KLHL5: variants seen among roughly 807,000 people sequenced by gnomAD.
KLHL5 encodes kelch-like protein 5.
KLHL5 carries 48 observed loss-of-function variants against 77.7 expected under a neutral mutation model. That is an observed-to-expected ratio of 0.62 (90% confidence interval 0.49 to 0.79). The LOEUF is 0.79. Ranked by LOEUF, KLHL5 falls within the 30% of genes least tolerant of loss-of-function variation. KLHL5 has a pLI of 0.00. For missense variants in KLHL5, 723 were observed against 859.7 expected, an observed-to-expected ratio of 0.84 and a Z score of 1.99; for synonymous variants, 260 against 297.0, an observed-to-expected ratio of 0.88 and a Z score of 1.28.
At position 39,084,314 on chromosome 4, in the gene KLHL5, C is replaced by G. The variant is rs573249455; in HGVS notation, c.900+2155C>G. On this transcript the variant is annotated intron_variant, in intron 4 of 10. Coordinates refer to ENST00000504108, the MANE Select transcript of KLHL5 (RefSeq NM_015990.5). Reference sequence around the variant, plus strand: ...ATCCATGAATCTGGAAACCTGTTTTCTCATTCTGCCTGCCACTGAACATGA... The same window carrying G: ...ATCCATGAATCTGGAAACCTGTTTTGTCATTCTGCCTGCCACTGAACATGA... Among the ~76,000 whole-genome samples the G allele has an allele frequency of 6.2e-4, 94 of 152,266 alleles. 1 individual carries two copies. In the South Asian group the frequency reaches 0.019, roughly 31 times the overall value.
Position 39,086,672 on chromosome 4 carries a change from G to C in KLHL5, c.1058G>C (p.Arg353Pro). The C allele has an allele frequency of 6.2e-7, 1 of 1,613,866 alleles. No individual in the cohort carries two copies. Residue 353 changes from arginine (R) to proline (P), a missense_variant, in exon 5 of 11, where the codon CGG becomes CCG. By Grantham distance (103) the Arg-to-Pro change is moderately radical. Transcript: ENST00000504108. Reference sequence around the variant, plus strand: ...GTCCGTCATGATTTGGAACAGAGACGGAAAGATCTAAGTAAACTTTTGGCT... The same window carrying C: ...GTCCGTCATGATTTGGAACAGAGACCGAAAGATCTAAGTAAACTTTTGGCT... ...TWVRHDLEQR[R>P]KDLSKLLAYI...
At position 39,122,424 on chromosome 4, in the gene KLHL5, T is replaced by C. The variant is rs1723258638; in HGVS notation, c.*1358T>C. 6.6e-6 allele frequency among the ~76,000 whole-genome samples: 1 copy of C among 152,158 alleles called. No individual in the cohort carries two copies. The highest frequency in any genetic ancestry group is 1.5e-5 in the Non-Finnish European group (1 of 68,026). ...AGAAGTTAGCCCCAAGGTTATATAT[T>C]GCAAGTAAGTGGCAGAGCAGGGATT... On this transcript the variant is annotated 3_prime_UTR_variant, in exon 11 of 11. Coordinates refer to ENST00000504108, the MANE Select transcript of KLHL5 (RefSeq NM_015990.5).
At chr4:39,103,213 G>T in intron 6 of KLHL5, 74 bp from the exon 7 acceptor site, 3 of 1,012,174 alleles carry the variant, frequency 3.0e-6, no homozygotes, top group Admixed American at 5.1e-5. Context: ...TTATATTTTT[G>T]TATCTGTAAT....
intron 1 of KLHL5, among the ~76,000 whole-genome samples, chr4:39,045,269 CG>C (rs1716083097): frequency 6.7e-6 from 1 of 150,230 alleles, no homozygotes; most frequent in Admixed American, 6.6e-5. Flanking sequence ...GGGGCTGGGC[CG>C]GGCGGGGGCC....
Position 39,062,817 on chromosome 4 carries a change from T to C in KLHL5, c.165T>C (p.Asp55=). The C allele has an allele frequency of 6.2e-7, 1 of 1,614,096 alleles. No homozygotes were observed. Among genetic ancestry groups the C allele is most frequent in the Admixed American group, 1.7e-5 (1 of 59,998 alleles). ...CAAACGGTGGGAGAAAGTTTTTAGA[T>C]CCATGTAGCCTACAATTGCCTTTGG... is the stretch of plus-strand genomic sequence containing the variant. ...TGANGGRKFL[D]PCSLQLPLAS... The change falls in exon 1 of 11, where the codon GAT becomes GAC. Residue 55 remains aspartate (D), a synonymous_variant. Transcript: ENST00000504108.
chr4:39,107,660 T>C lies in KLHL5; in HGVS notation c.1617T>C (p.Ala539=), dbSNP rs746263487. The C allele has an allele frequency of 2.5e-6, 4 of 1,612,862 alleles. No homozygotes were observed. The highest frequency in any genetic ancestry group is 3.4e-6 in the Non-Finnish European group (4 of 1,179,086). ...LNTVERWDPQ[A]RQWNFVATMS... is the part of the protein sequence containing the mutation. ...CAGTGGAAAGATGGGACCCTCAGGC[T>C]CGCCAGTGGAATTTTGTTGCCACTA... The change falls in exon 8 of 11, where the codon GCT becomes GCC. Residue 539 remains alanine, a synonymous_variant. Coordinates refer to ENST00000504108, the MANE Select transcript of KLHL5 (RefSeq NM_015990.5).
chr4:39,127,667 G>T (rs1191851156), downstream of KLHL5, among the ~76,000 whole-genome samples: 1 of 151,906 alleles, frequency 6.6e-6, no homozygotes, highest in African/African-American at 2.4e-5. Context: ...ATCTCACGTT[G>T]TTACCCAGGC....
At chr4:39,079,136 C>G (rs1332485974) in intron 2 of KLHL5, among the ~76,000 whole-genome samples, 1 of 152,184 alleles carries the variant, frequency 6.6e-6, no homozygotes, top group Non-Finnish European at 1.5e-5. Flanking sequence ...CATTACCTTA[C>G]CTGCCATGCT....
the KLHL5 span, among the ~76,000 whole-genome samples, chr4:39,136,285 G>A: frequency 2.0e-5 from 3 of 151,670 alleles, no homozygotes; most frequent in Non-Finnish European, 2.9e-5. Context: ...TCAGCCTCCC[G>A]AGTAGCTGGG....
At chr4:39,059,835 C>G, upstream of KLHL5, among the ~76,000 whole-genome samples, 1 of 152,032 alleles carries the variant, frequency 6.6e-6, no homozygotes. Flanking sequence ...GGAGATGGAG[C>G]CTGTAGTGAG....
At chr4:39,083,310 A>G (rs549768374) in intron 4 of KLHL5, among the ~76,000 whole-genome samples, 2 of 152,184 alleles carry the variant, frequency 1.3e-5, no homozygotes, top group Non-Finnish European at 2.9e-5. Context: ...CATGTCATAT[A>G]TCCAGTCAGT....
At position 39,062,849 on chromosome 4, in the gene KLHL5, T is replaced by C. The variant is rs1717556138; in HGVS notation, c.197T>C (p.Ile66Thr). ...AGCCTACAATTGCCTTTGGCTTCAATTGGTTACCGAAGGTCCAGCCAACTG... is the reference window on the plus strand; with the variant it reads ...AGCCTACAATTGCCTTTGGCTTCAACTGGTTACCGAAGGTCCAGCCAACTG... ...PCSLQLPLAS[I>T]GYRRSSQLDF... Residue 66 changes from isoleucine to threonine, a missense_variant, in exon 1 of 11, where the codon ATT becomes ACT. Coordinates refer to ENST00000504108, the MANE Select transcript of KLHL5 (RefSeq NM_015990.5). 2.5e-6 allele frequency: 4 copies of C among 1,614,148 alleles called. No individual in the cohort carries two copies. Among genetic ancestry groups the C allele is most frequent in the South Asian group, 1.1e-5 (1 of 91,088 alleles).
At chr4:39,084,799 G>A (rs1719902812) in intron 4 of KLHL5, among the ~76,000 whole-genome samples, 1 of 152,000 alleles carries the variant, frequency 6.6e-6, no homozygotes, top group South Asian at 2.1e-4. Flanking sequence ...TTAAGGAATT[G>A]GAAATATATA....
chr4:39,063,082 C>G, intron 1 of KLHL5, 47 bp downstream of exon 1: 1 of 1,386,612 alleles, frequency 7.2e-7, no homozygotes, highest in Non-Finnish European at 9.8e-7. Context: ...GGGTATGGCT[C>G]TATAATGTTT....
chr4:39,062,999 G>A lies in KLHL5; in HGVS notation c.347G>A (p.Ser116Asn), dbSNP rs1471173321. 1 of 1,613,338 alleles carries A rather than the reference G, an allele frequency of 6.2e-7. No individual in the cohort carries two copies. The change falls in exon 1 of 11, where the codon AGT becomes AAT. Residue 116 changes from serine to asparagine, a missense_variant. Ser to Asn is a conservative substitution (Grantham distance 46, BLOSUM62 1). Around this residue, in one of 3 missense-constraint regions of KLHL5, gnomAD observed 221 missense variants for 222.1 expected, o/e 1.00. Coordinates refer to ENST00000504108, the MANE Select transcript of KLHL5 (RefSeq NM_015990.5). ...AGACCAGAAGTGGATGATGGCACTA[G>A]TGAAGAAGAAAATGAATCTGATTCC... The part of the protein sequence containing the change: ...LDRPEVDDGT[S>N]EEENESDSSS...
chr4:39,120,887 G>T (rs1723164439), intron 10 of KLHL5, 123 bp from the exon 11 acceptor site: 6 of 723,056 alleles, frequency 8.3e-6, no homozygotes, highest in Admixed American at 4.9e-5. Context: ...CGCTGATACA[G>T]CAGGGGCCAG....
chr4:39,140,552 T>A, the KLHL5 span, among the ~76,000 whole-genome samples: 4 of 152,168 alleles, frequency 2.6e-5, no homozygotes, highest in African/African-American at 9.7e-5. Flanking sequence ...AAATTTTGGT[T>A]AAATAGTAAA....
At chr4:39,047,671 C>A (rs189802892) in intron 1 of KLHL5, among the ~76,000 whole-genome samples, 1 of 152,316 alleles carries the variant, frequency 6.6e-6, no homozygotes, top group East Asian at 1.9e-4. Flanking sequence ...AGGGCACCTT[C>A]TTCTGTGCTT....
At chr4:39,088,718 C>G (rs1022768911) in intron 5 of KLHL5, among the ~76,000 whole-genome samples, 1 of 152,024 alleles carries the variant, frequency 6.6e-6, no homozygotes, top group Non-Finnish European at 1.5e-5. Flanking sequence ...GGGGTTTTGA[C>G]GAGAAGGCAG....
Sources: gnomAD v4.1 joint callset for allele counts (sites outside exome capture counted in the v4.1 genomes callset) on GRCh38, gnomAD v4.1.1 for gene constraint, gnomAD v4.1.1 regional missense constraint, MANE v1.5 for transcripts, NCBI Gene and HGNC (gene_info 2026-07-23, HGNC 2026-07-21) for gene names.